GPNMB: variants seen among roughly 807,000 people sequenced by gnomAD.
GPNMB encodes the protein glycoprotein nmb.
A neutral mutation model predicts 57.3 loss-of-function variants in GPNMB; 71 were observed. The observed-to-expected ratio is 1.24, with a 90% CI of 1.02 to 1.51. GPNMB has a LOEUF of 1.51. Ranked by LOEUF, GPNMB falls within the 40% of genes most tolerant of loss-of-function variation. The pLI, the probability that GPNMB is intolerant of heterozygous loss-of-function variation, is 0.00. For synonymous variants in GPNMB, 253 were observed against 263.2 expected, an observed-to-expected ratio of 0.96 and a Z score of 0.38; for missense variants, 677 against 691.9, an observed-to-expected ratio of 0.98 and a Z score of 0.24.
chr7:23,272,846 C>CTT lies in GPNMB; in HGVS notation c.1430-661_1430-660dup, dbSNP rs34346503. 7.8e-4 allele frequency among the ~76,000 whole-genome samples: 109 copies of CTT among 139,634 alleles called. 2 individuals carry two copies. The highest frequency in any genetic ancestry group is 2.5e-3 in the East Asian group (12 of 4,862). 91.6% of individuals were successfully genotyped at this position (139,634 alleles called of 152,430 possible). On this transcript the variant is annotated intron_variant, in intron 9 of 10. Transcript: ENST00000258733. ...CATGGAAAACTTTAAAGGTGGTGAT[C>CTT]TTTTTTTTTTTTTTTGAGGCAAGGT...
intron 9 of GPNMB, 97 bp from the exon 10 acceptor site, chr7:23,273,424 C>A: frequency 1.3e-6 from 1 of 761,818 alleles, no homozygotes; most frequent in Non-Finnish European, 2.3e-6. Flanking sequence ...CATATATCTT[C>A]TGTGACGGCT....
In GPNMB at chr7:23,260,033, G is replaced by A; in HGVS notation, c.595G>A (p.Ala199Thr). ...RCSVRVSVNT[A>T]NVTLGPQLME... is the part of the protein sequence containing the mutation. ...TTCAGTGAGAGTTTCTGTGAACACA[G>A]CCAATGTGACACTTGGGCCTCAACT... Residue 199 changes from alanine (A) to threonine (T), a missense_variant, in exon 5 of 11, where the codon GCC (alanine) becomes ACC (threonine). Coordinates refer to ENST00000258733, the MANE Select transcript of GPNMB (RefSeq NM_002510.3). The A allele has an allele frequency of 6.2e-7, 1 of 1,614,108 alleles. No individual in the cohort carries two copies. The highest frequency in any genetic ancestry group is 8.5e-7 in the Non-Finnish European group (1 of 1,179,956).
At chr7:23,254,393 G>A in intron 3 of GPNMB, 81 bp downstream of exon 3, 1 of 1,135,034 alleles carries the variant, frequency 8.8e-7, no homozygotes, top group Admixed American at 1.9e-5. Context: ...GTAAGTGCCA[G>A]ATGCTGATCT....
chr7:23,269,011 C>T (rs1488953284), intron 8 of GPNMB, among the ~76,000 whole-genome samples: 5 of 152,198 alleles, frequency 3.3e-5, no homozygotes, highest in Non-Finnish European at 5.9e-5. Flanking sequence ...CCACCCCTGG[C>T]TGCTTGTATG....
At chr7:23,258,077 A>ATTTT (rs1413945763) in intron 4 of GPNMB, 2 of 152,292 alleles carry the variant, frequency 1.3e-5, no homozygotes, top group East Asian at 3.9e-4. Context: ...TAAATTACAA[A>ATTTT]TGGTATTCAT....
intron 3 of GPNMB, 126 bp downstream of exon 3, chr7:23,254,438 C>CA (rs763782009): frequency 2.0e-5 from 15 of 732,568 alleles, no homozygotes; most frequent in Admixed American, 5.1e-5. Context: ...AGCTGGATGA[C>CA]AGAGACAGTG....
chr7:23,248,671 C>T (rs1392828378), intron 1 of GPNMB, among the ~76,000 whole-genome samples: 2 of 152,116 alleles, frequency 1.3e-5, no homozygotes. Flanking sequence ...GAGGCAGAGT[C>T]GGCTGCAGCA....
chr7:23,260,223 C>T (rs867913423), intron 5 of GPNMB, 85 bp downstream of exon 5: 32 of 1,429,484 alleles, frequency 2.2e-5, no homozygotes, highest in African/African-American at 1.5e-4. Flanking sequence ...GCCAAGTGTT[C>T]GGGGTTAGGT....
chr7:23,251,122 T>C (rs1455348911), intron 1 of GPNMB, among the ~76,000 whole-genome samples: 1 of 152,230 alleles, frequency 6.6e-6, no homozygotes, highest in African/African-American at 2.4e-5. Context: ...TCCTGTTTAA[T>C]AACAGAACCA....
At chr7:23,267,126 T>C (rs1191037303) in intron 7 of GPNMB, among the ~76,000 whole-genome samples, 1 of 152,106 alleles carries the variant, frequency 6.6e-6, no homozygotes, top group Non-Finnish European at 1.5e-5. Context: ...AGGATGGAGG[T>C]GGAAGCCCAA....
At chr7:23,264,096 G>GAAAAAAA (rs35143635) in intron 6 of GPNMB, among the ~76,000 whole-genome samples, 35 of 109,670 alleles carry the variant, frequency 3.2e-4, no homozygotes, top group African/African-American at 1.1e-3. Flanking sequence ...GAACAAATCT[G>GAAAAAAA]AAAAAAAAAA....
intron 9 of GPNMB, 23 bp downstream of exon 9, chr7:23,270,198 A>G (rs773822738): frequency 6.5e-6 from 10 of 1,539,332 alleles, no homozygotes; most frequent in South Asian, 5.6e-5. Flanking sequence ...TTATGGCCAT[A>G]TGAGCATTTC....
intron 2 of GPNMB, among the ~76,000 whole-genome samples, chr7:23,253,881 A>C (rs1430196306): frequency 6.6e-6 from 1 of 152,198 alleles, no homozygotes; most frequent in African/African-American, 2.4e-5. Flanking sequence ...AAAAATGCAG[A>C]CTTCTAAAAC....
intron 1 of GPNMB, among the ~76,000 whole-genome samples, chr7:23,250,539 G>C (rs1252187354): frequency 6.7e-6 from 1 of 150,330 alleles, no homozygotes; most frequent in Non-Finnish European, 1.5e-5. Context: ...AGTCCAGCCT[G>C]AGCAACATAG....
chr7:23,251,074 T>G (rs1372879221), intron 1 of GPNMB, among the ~76,000 whole-genome samples: 1 of 152,208 alleles, frequency 6.6e-6, no homozygotes, highest in Non-Finnish European at 1.5e-5. Context: ...TTGTCAGATG[T>G]GAAGGCCCAG....
At chr7:23,255,635 T>C (rs907898987) in intron 3 of GPNMB, among the ~76,000 whole-genome samples, 1 of 152,164 alleles carries the variant, frequency 6.6e-6, no homozygotes, top group African/African-American at 2.4e-5. Flanking sequence ...CATACTGTTT[T>C]CCATAGTGGT....
At chr7:23,254,405 A>C in intron 3 of GPNMB, 93 bp downstream of exon 3, 25 of 993,640 alleles carry the variant, frequency 2.5e-5, no homozygotes, top group Non-Finnish European at 3.5e-5. Flanking sequence ...TGCTGATCTC[A>C]TCCCTTGCCA....
intron 1 of GPNMB, chr7:23,247,128 G>T (rs147600709): frequency 1.1e-4 from 67 of 584,728 alleles, no homozygotes; most frequent in African/African-American, 1.0e-3. Flanking sequence ...TTTGCTTTCG[G>T]CTCATGGAAA....
chr7:23,270,114 C>G lies in GPNMB; in HGVS notation c.1368C>G (p.Leu456=), dbSNP rs773912751. The G allele has an allele frequency of 2.8e-5, 45 of 1,614,022 alleles. No individual in the cohort carries two copies. In the Admixed American group the frequency reaches 7.3e-4, roughly 26 times the overall value. ...FNGSGTYCVN[L]TLGDDTSLAL... ...GGTCTGGGACGTACTGTGTGAACCTCACCCTGGGGGATGACACAAGCCTGG... is the reference window on the plus strand; with the variant it reads ...GGTCTGGGACGTACTGTGTGAACCTGACCCTGGGGGATGACACAAGCCTGG... The change falls in exon 9 of 11, where the codon CTC becomes CTG. Residue 456 remains leucine (L), a synonymous_variant. Transcript: ENST00000258733.
Sources: gnomAD v4.1 joint callset for allele counts (sites outside exome capture counted in the v4.1 genomes callset) on GRCh38, gnomAD v4.1.1 for gene constraint, MANE v1.5 for transcripts, NCBI Gene and HGNC (gene_info 2026-07-23, HGNC 2026-07-21) for gene names.